Variants in SFXN5 observed in about 807,000 individuals in gnomAD.
The protein encoded by SFXN5 is sideroflexin-5.
SFXN5 carries 43 observed loss-of-function variants against 50.2 expected under a neutral mutation model. That is an observed-to-expected ratio of 0.86 (90% CI 0.67 to 1.11). SFXN5 has a LOEUF of 1.11. Among genes scored for constraint, SFXN5 ranks in the 50% least tolerant of loss-of-function variants. The pLI, the probability that SFXN5 is intolerant of heterozygous loss-of-function variation, is 0.00. For missense variants in SFXN5, 463 were observed against 454.1 expected (o/e 1.02, Z -0.18); for synonymous variants, 203 against 185.8 (o/e 1.09, Z -0.75).
intron 5 of SFXN5, 43 bp from the exon 6 acceptor site, chr2:73,020,307 C>T (rs1180766963): frequency 6.2e-7 from 1 of 1,610,068 alleles, no homozygotes; most frequent in Non-Finnish European, 8.5e-7. Context: ...AATCCACTCA[C>T]ATCTCACCTG....
In SFXN5 at chr2:73,058,545, T is replaced by A; in HGVS notation, c.154A>T (p.Thr52Ser). The change falls in exon 2 of 14, where the codon ACA (threonine) becomes TCA (serine). Residue 52 changes from threonine (T) to serine (S), a missense_variant. Coordinates refer to ENST00000272433, the MANE Select transcript of SFXN5 (RefSeq NM_144579.3). ...TGACTTACCTCAGTGACAAAGAGTG[T>A]GCGAGGGTCGATGATATCCAAGAAG... Reference protein sequence around the residue: ...RHFLDIIDPRTLFVTERRLRE... With the variant: ...RHFLDIIDPRSLFVTERRLRE... 1 of 1,614,072 alleles carries A rather than the reference T, an allele frequency of 6.2e-7. No individual in the cohort carries two copies. The highest frequency in any genetic ancestry group is 8.5e-7 in the Non-Finnish European group (1 of 1,179,998).
At chr2:72,957,787 G>A (rs1418578356) in intron 13 of SFXN5, among the ~76,000 whole-genome samples, 1 of 152,232 alleles carries the variant, frequency 6.6e-6, no homozygotes, top group African/African-American at 2.4e-5. Flanking sequence ...GTCCCAAACA[G>A]GGCTCAAAAC....
chr2:72,970,031 C>T (rs1475391880), intron 11 of SFXN5, among the ~76,000 whole-genome samples: 1 of 152,160 alleles, frequency 6.6e-6, no homozygotes, highest in Non-Finnish European at 1.5e-5. Flanking sequence ...TGCCTGGAGT[C>T]CTTCCCCGGA....
intron 1 of SFXN5, among the ~76,000 whole-genome samples, chr2:73,069,856 C>A (rs182423446): frequency 6.6e-6 from 1 of 152,102 alleles, no homozygotes; most frequent in African/African-American, 2.4e-5. Flanking sequence ...ATCTTTTACT[C>A]GGCACATTAC....
intron 2 of SFXN5, chr2:73,058,125 G>C (rs1682374164): frequency 6.2e-6 from 1 of 161,114 alleles, no homozygotes; most frequent in Non-Finnish European, 1.4e-5. Flanking sequence ...TTACCTATAA[G>C]AGGAGGGAAC....
rs368736952 is a variant in SFXN5 at position 72,951,910 on chromosome 2, T to C, written c.946-6811A>G. Among the ~76,000 whole-genome samples, 20 of 152,238 alleles carry C rather than the reference T, an allele frequency of 1.3e-4. 1 individual carries two copies. The highest frequency in any genetic ancestry group is 1.2e-3 in the Admixed American group (18 of 15,290). On this transcript the variant is annotated intron_variant, in intron 13 of 13. Coordinates refer to ENST00000272433, the MANE Select transcript of SFXN5 (RefSeq NM_144579.3). ...CCAGGCCTGGGACCGCTTTGTCCAC[T>C]GGGCACAACATCCCATCCTTTCTCA...
chr2:72,954,132 G>A (rs1298798148), intron 13 of SFXN5, among the ~76,000 whole-genome samples: 7 of 152,120 alleles, frequency 4.6e-5, no homozygotes, highest in South Asian at 4.1e-4. Flanking sequence ...GGCTCATAAC[G>A]GGCTGAGGAC....
At chr2:73,006,841 A>G (rs1047767011) in intron 6 of SFXN5, among the ~76,000 whole-genome samples, 44 of 152,102 alleles carry the variant, frequency 2.9e-4, no homozygotes, top group African/African-American at 9.9e-4. Context: ...TGCTTATCAA[A>G]CCCACCCAAT....
chr2:72,964,351 T>C (rs1049210789), intron 12 of SFXN5, among the ~76,000 whole-genome samples: 5 of 152,238 alleles, frequency 3.3e-5, no homozygotes, highest in African/African-American at 4.8e-5. Flanking sequence ...CCTGCACTAG[T>C]GCCCCTGCAC....
intron 9 of SFXN5, among the ~76,000 whole-genome samples, chr2:72,994,025 G>A (rs1207386103): frequency 2.6e-5 from 4 of 152,190 alleles, no homozygotes; most frequent in Non-Finnish European, 5.9e-5. Flanking sequence ...TTGTCTGCCA[G>A]GAGGCGGCAC....
chr2:73,038,468 G>A (rs933155584), intron 3 of SFXN5, among the ~76,000 whole-genome samples: 9 of 152,032 alleles, frequency 5.9e-5, no homozygotes, highest in Non-Finnish European at 1.2e-4. Context: ...ATACATTTAA[G>A]CACGCTAAAT....
intron 10 of SFXN5, among the ~76,000 whole-genome samples, chr2:72,982,978 T>C (rs577172927): frequency 2.0e-5 from 3 of 152,332 alleles, no homozygotes; most frequent in African/African-American, 7.2e-5. Context: ...CCTTGATGGA[T>C]GGACCTTGAT....
chr2:73,061,706 G>C (rs996016768), intron 1 of SFXN5, among the ~76,000 whole-genome samples: 2 of 152,094 alleles, frequency 1.3e-5, no homozygotes, highest in Non-Finnish European at 2.9e-5. Flanking sequence ...TTGCCTCTGG[G>C]TAATAGGCTT....
At chr2:72,965,199 C>T (rs567185805) in intron 12 of SFXN5, among the ~76,000 whole-genome samples, 24 of 152,112 alleles carry the variant, frequency 1.6e-4, no homozygotes, top group Admixed American at 1.4e-3. Flanking sequence ...AGCACGCTGG[C>T]GGAAGGGCAC....
chr2:73,027,992 T>C (rs751620399), intron 3 of SFXN5, among the ~76,000 whole-genome samples: 1 of 152,178 alleles, frequency 6.6e-6, no homozygotes, highest in South Asian at 2.1e-4. Context: ...GCCATATTTT[T>C]ACTGTACCTT....
chr2:73,028,994 G>A (rs1050770080), intron 3 of SFXN5, among the ~76,000 whole-genome samples: 2 of 152,156 alleles, frequency 1.3e-5, no homozygotes, highest in African/African-American at 2.4e-5. Flanking sequence ...AGGGTTCCCT[G>A]GCAGTCTGCA....
At chr2:73,024,412 T>C (rs1574149832) in intron 3 of SFXN5, among the ~76,000 whole-genome samples, 1 of 152,258 alleles carries the variant, frequency 6.6e-6, no homozygotes, top group East Asian at 1.9e-4. Context: ...GTCCCAACAC[T>C]TTAGGAGGCC....
rs1284962008 is a variant in SFXN5, at chr2:72,944,810, A to AT, written c.*211dup. Reference sequence around the variant, plus strand: ...ATAAGGCCCAGAAATGCACTTGATTATTTTTTTGTACGAAATGTGTTAGAA... The same window carrying AT: ...ATAAGGCCCAGAAATGCACTTGATTATTTTTTTTGTACGAAATGTGTTAGAA... On this transcript the variant is annotated 3_prime_UTR_variant, in exon 14 of 14. Transcript: ENST00000272433. 5 of 523,890 alleles carry AT rather than the reference A, an allele frequency of 9.5e-6. No individual in the cohort carries two copies. The highest frequency in any genetic ancestry group is 2.8e-5 in the South Asian group (1 of 35,168). The allele number at this position is 523,890 out of a possible 1,614,324, so 32.5% of individuals were successfully genotyped here.
chr2:73,030,375 A>ATATTTG (rs1678152180), intron 3 of SFXN5, among the ~76,000 whole-genome samples: 1 of 152,056 alleles, frequency 6.6e-6, no homozygotes, highest in African/African-American at 2.4e-5. Context: ...ATATACACAT[A>ATATTTG]TATTTGTTGT....
Sources: allele counts gnomAD v4.1 joint callset (sites outside exome capture counted in the v4.1 genomes callset), GRCh38; gene constraint gnomAD v4.1.1; transcripts MANE v1.5; gene names NCBI Gene and HGNC (gene_info 2026-07-23, HGNC 2026-07-21).